The following USP47 variants were observed in gnomAD, a reference collection of about 807,000 sequenced individuals.
The protein encoded by USP47 is ubiquitin carboxyl-terminal hydrolase 47.
USP47 carries 35 observed loss-of-function variants against 165.1 expected under a neutral mutation model. That is an observed-to-expected ratio of 0.21 (90% CI 0.16 to 0.28). The LOEUF (loss-of-function observed/expected upper bound fraction) is 0.28, where lower values mean the gene tolerates loss of function less well. Among genes scored for constraint, USP47 ranks in the 10% least tolerant of loss-of-function variants. The pLI, the probability that USP47 is intolerant of heterozygous loss-of-function variation, is 1.00. For missense variants in USP47, 1,277 were observed against 1,607.4 expected, an observed-to-expected ratio of 0.79 and a Z score of 3.52; for synonymous variants, 531 against 544.5, an observed-to-expected ratio of 0.98 and a Z score of 0.35.
intron 20 of USP47, chr11:11,943,488 C>G (rs1444184011): frequency 6.4e-6 from 1 of 155,342 alleles, no homozygotes; most frequent in African/African-American, 2.4e-5. Flanking sequence ...ATGCTCTTCC[C>G]TCTCTCCATT....
At chr11:11,851,087 A>G (rs1192223355) in intron 1 of USP47, among the ~76,000 whole-genome samples, 2 of 152,238 alleles carry the variant, frequency 1.3e-5, no homozygotes, top group African/African-American at 4.8e-5. Context: ...CAGGGCACCC[A>G]GTGACACATC....
chr11:11,952,623 C>G (rs1856295566), intron 24 of USP47, 118 bp from the exon 25 acceptor site: 2 of 1,207,430 alleles, frequency 1.7e-6, no homozygotes, highest in African/African-American at 3.2e-5. Context: ...TTCTTGTGCC[C>G]ACTTTTTAAG....
chr11:11,914,670 C>G (rs370669474), intron 8 of USP47, among the ~76,000 whole-genome samples: 1 of 152,124 alleles, frequency 6.6e-6, no homozygotes, highest in South Asian at 2.1e-4. Flanking sequence ...CTCAAGACAT[C>G]AGTTTAGAAA....
chr11:11,855,133 A>G (rs1024597632), intron 1 of USP47, among the ~76,000 whole-genome samples: 7 of 152,134 alleles, frequency 4.6e-5, no homozygotes, highest in Non-Finnish European at 7.4e-5. Context: ...GGAACACATA[A>G]CAAAGTGAAA....
At position 11,957,318 on chromosome 11, in the gene USP47, A is replaced by G. The variant is rs1247221012; in HGVS notation, c.*1143A>G. The G allele has an allele frequency of 6.6e-6, 1 of 152,586 alleles. No homozygotes were observed. Among genetic ancestry groups the G allele is most frequent in the African/African-American group, 2.4e-5 (1 of 41,482 alleles). 9.5% of individuals were successfully genotyped at this position (152,586 alleles called of 1,614,324 possible). A position where few individuals can be genotyped will look rare whatever the true frequency, so the allele number is the denominator to read the frequency against. ...GTCATGGTACAGACTGATGCAGTCA[A>G]CATGATTTCATTGCAGAGTTTATTA... On this transcript the variant is annotated 3_prime_UTR_variant, in exon 28 of 28. Coordinates refer to ENST00000527733, the MANE Select transcript of USP47 (RefSeq NM_001282659.2).
intron 20 of USP47, among the ~76,000 whole-genome samples, chr11:11,945,796 G>A (rs1855784314): frequency 6.6e-6 from 1 of 151,702 alleles, no homozygotes; most frequent in African/African-American, 2.4e-5. Context: ...TAATTAGCCA[G>A]CGTGGTCATG....
chr11:11,884,658 GA>G, intron 3 of USP47, 78 bp downstream of exon 3: 1 of 901,902 alleles, frequency 1.1e-6, no homozygotes, highest in Non-Finnish European at 1.7e-6. Flanking sequence ...TTTCCCAAAG[GA>G]AATAAGATGT....
At chr11:11,895,486 A>G (rs1029868155) in intron 4 of USP47, among the ~76,000 whole-genome samples, 3 of 152,212 alleles carry the variant, frequency 2.0e-5, no homozygotes, top group African/African-American at 7.2e-5. Flanking sequence ...AATTATTATA[A>G]ATTTTGGCAC....
At chr11:11,917,393 A>G (rs1853500732) in intron 8 of USP47, among the ~76,000 whole-genome samples, 1 of 152,200 alleles carries the variant, frequency 6.6e-6, no homozygotes, top group Non-Finnish European at 1.5e-5. Context: ...CCAAGAGATC[A>G]CGGGCAGCTT....
chr11:11,917,284 A>G (rs1048049340), intron 8 of USP47, among the ~76,000 whole-genome samples: 4 of 152,194 alleles, frequency 2.6e-5, no homozygotes, highest in Non-Finnish European at 5.9e-5. Flanking sequence ...TTTCTTAATT[A>G]TGACAGCTAT....
intron 8 of USP47, among the ~76,000 whole-genome samples, chr11:11,908,804 A>G (rs1041417525): frequency 1.3e-5 from 2 of 152,178 alleles, no homozygotes; most frequent in South Asian, 2.1e-4. Flanking sequence ...TACGGAATCA[A>G]TATTGAAAGG....
intron 1 of USP47, among the ~76,000 whole-genome samples, chr11:11,875,751 G>C (rs1002044378): frequency 2.0e-5 from 3 of 152,140 alleles, no homozygotes; most frequent in African/African-American, 7.2e-5. Flanking sequence ...TTACGGGCGT[G>C]TGCCACCACA....
At chr11:11,859,765 A>G (rs1422783869) in intron 1 of USP47, among the ~76,000 whole-genome samples, 1 of 152,154 alleles carries the variant, frequency 6.6e-6, no homozygotes, top group Non-Finnish European at 1.5e-5. Flanking sequence ...TGGTATTACT[A>G]TAATTCATAG....
intron 11 of USP47, among the ~76,000 whole-genome samples, chr11:11,923,604 G>T (rs1854023415): frequency 6.6e-6 from 1 of 152,086 alleles, no homozygotes; most frequent in African/African-American, 2.4e-5. Flanking sequence ...AACGTCTTGA[G>T]CATGGTGTGA....
At chr11:11,944,678 C>G (rs1194641644) in intron 20 of USP47, among the ~76,000 whole-genome samples, 1 of 152,194 alleles carries the variant, frequency 6.6e-6, no homozygotes, top group Non-Finnish European at 1.5e-5. Flanking sequence ...GGATGAGACT[C>G]AGATATCATT....
At chr11:11,860,878 T>G (rs1849341004) in intron 1 of USP47, among the ~76,000 whole-genome samples, 1 of 152,112 alleles carries the variant, frequency 6.6e-6, no homozygotes, top group South Asian at 2.1e-4. Context: ...GGGAAGAGTA[T>G]TAGGATAAAA....
chr11:11,894,141 A>G (rs1851709270), intron 4 of USP47, among the ~76,000 whole-genome samples: 1 of 152,118 alleles, frequency 6.6e-6, no homozygotes, highest in African/African-American at 2.4e-5. Flanking sequence ...CTTTAAAATT[A>G]ATTTTGGGGG....
Position 11,891,839 on chromosome 11 carries a change from G to A in USP47, c.358-129G>A. On this transcript the variant is annotated intron_variant, in intron 3 of 27. Transcript: ENST00000527733. Reference sequence around the variant, plus strand: ...AAATTTAGAAAGTAACACTTTGGAAGGGGGCATGAGCACCTTTCCAGAGTG... The same window carrying A: ...AAATTTAGAAAGTAACACTTTGGAAAGGGGCATGAGCACCTTTCCAGAGTG... 7 of 1,119,768 alleles carry A rather than the reference G, an allele frequency of 6.3e-6. No homozygotes were observed. The South Asian group carries it at 8.8e-5, about 14-fold the overall frequency. The allele number at this position is 1,119,768 out of a possible 1,614,324, so 69.4% of individuals were successfully genotyped here.
At chr11:11,931,336 C>A (rs1485033464) in intron 14 of USP47, among the ~76,000 whole-genome samples, 3 of 152,036 alleles carry the variant, frequency 2.0e-5, no homozygotes, top group African/African-American at 7.2e-5. Flanking sequence ...AGGCTTAGGA[C>A]TTACTCATCT....
Sources: gnomAD v4.1 joint callset for allele counts (sites outside exome capture counted in the v4.1 genomes callset) on GRCh38, gnomAD v4.1.1 for gene constraint, MANE v1.5 for transcripts, NCBI Gene and HGNC (gene_info 2026-07-23, HGNC 2026-07-21) for gene names.